PPFIA2: variants seen among roughly 807,000 people sequenced by gnomAD.
PPFIA2 encodes liprin-alpha-2.
Under a neutral mutation model 175.5 loss-of-function variants are expected in PPFIA2, and 46 were observed. The observed-to-expected ratio is 0.26, with a 90% confidence interval of 0.21 to 0.34. PPFIA2 has a LOEUF of 0.34. Among genes scored for constraint, PPFIA2 ranks in the 10% least tolerant of loss-of-function variants. PPFIA2 has a pLI of 1.00. For synonymous variants in PPFIA2, 568 were observed against 511.4 expected (o/e 1.11, Z -1.49); for missense variants, 1,179 against 1,506.1 (o/e 0.78, Z 3.60).
intron 29 of PPFIA2, among the ~76,000 whole-genome samples, chr12:81,267,648 A>T (rs1247080253): frequency 6.6e-6 from 1 of 151,632 alleles, no homozygotes; most frequent in Non-Finnish European, 1.5e-5. Context: ...TCTGTCAGGG[A>T]TTTCATTTAG....
Position 81,482,878 on chromosome 12 carries a change from T to TTATA in PPFIA2, c.304-25016_304-25013dup, listed in dbSNP as rs138791153. Among the ~76,000 whole-genome samples the TTATA allele has an allele frequency of 4.5e-4, 67 of 150,350 alleles. No homozygotes were observed. The South Asian group carries it at 0.01, about 23-fold the overall frequency. On this transcript the variant is annotated intron_variant, in intron 4 of 32. Coordinates refer to ENST00000549396, the MANE Select transcript of PPFIA2 (RefSeq NM_003625.5). ...AGGTTCTGCACATGTATCCCAGAAC[T>TTATA]TATATATATATATATACTGTGCTGG... is the stretch of plus-strand genomic sequence containing the variant.
chr12:81,745,855 T>C (rs1054790244), intron 3 of PPFIA2, among the ~76,000 whole-genome samples: 4 of 152,180 alleles, frequency 2.6e-5, no homozygotes, highest in Non-Finnish European at 4.4e-5. Flanking sequence ...TCTCTGAATG[T>C]TTTTCCCGAA....
chr12:81,604,019 T>C (rs991791375), intron 4 of PPFIA2, among the ~76,000 whole-genome samples: 1 of 151,690 alleles, frequency 6.6e-6, no homozygotes, highest in Non-Finnish European at 1.5e-5. Context: ...ATCAGTGCTT[T>C]AGGAACTTTA....
At chr12:81,536,929 T>G (rs1180911688) in intron 4 of PPFIA2, among the ~76,000 whole-genome samples, 1 of 150,556 alleles carries the variant, frequency 6.6e-6, no homozygotes, top group Non-Finnish European at 1.5e-5. Flanking sequence ...GATGGGAAAG[T>G]AAACATTTTT....
At chr12:81,292,067 A>G (rs1038812550) in intron 24 of PPFIA2, among the ~76,000 whole-genome samples, 2 of 152,088 alleles carry the variant, frequency 1.3e-5, no homozygotes, top group Non-Finnish European at 2.9e-5. Flanking sequence ...AAAATTCCCT[A>G]TTGTTCATTA....
intron 8 of PPFIA2, among the ~76,000 whole-genome samples, chr12:81,391,572 T>A (rs1301853561): frequency 1.3e-5 from 2 of 151,962 alleles, no homozygotes; most frequent in African/African-American, 2.4e-5. Flanking sequence ...GTAATTCAGA[T>A]AAAGCCATTC....
chr12:81,291,995 A>C (rs924259884), intron 24 of PPFIA2, among the ~76,000 whole-genome samples: 5 of 152,140 alleles, frequency 3.3e-5, no homozygotes, highest in African/African-American at 1.2e-4. Context: ...ATTGAATGTT[A>C]ATTAATATGG....
chr12:81,705,205 T>C (rs2076974650), intron 3 of PPFIA2, among the ~76,000 whole-genome samples: 1 of 148,936 alleles, frequency 6.7e-6, no homozygotes. Flanking sequence ...ATCCCAGCAG[T>C]TTGGGAGGCC....
At chr12:81,661,442 GAGACAA>G (rs904644224) in intron 4 of PPFIA2, among the ~76,000 whole-genome samples, 7 of 152,060 alleles carry the variant, frequency 4.6e-5, no homozygotes, top group Admixed American at 4.6e-4. Flanking sequence ...AAGATCAAAA[GAGACAA>G]AGAAGGCCAT....
rs959910819 is a variant in PPFIA2 at position 81,342,181 on chromosome 12, T to C, written c.2263-973A>G. 6.2e-4 allele frequency among the ~76,000 whole-genome samples: 95 copies of C among 152,180 alleles called. 2 individuals carry two copies. Among genetic ancestry groups the C allele is most frequent in the Admixed American group, 9.2e-4 (14 of 15,248 alleles). On this transcript the variant is annotated intron_variant, in intron 19 of 32. Transcript: ENST00000549396. Reference sequence around the variant, plus strand: ...AGGATACTATCCATTTTGTCAGAGATGAAGATATAGAGCTGTAACTTAAAA... The same window carrying C: ...AGGATACTATCCATTTTGTCAGAGACGAAGATATAGAGCTGTAACTTAAAA...
chr12:81,662,760 T>G (rs1426146889), intron 4 of PPFIA2, among the ~76,000 whole-genome samples: 2 of 152,156 alleles, frequency 1.3e-5, no homozygotes, highest in African/African-American at 4.8e-5. Flanking sequence ...AAAAGAGAAT[T>G]TTCAACCAAT....
chr12:81,692,103 A>AACACACAC (rs2075313752), intron 3 of PPFIA2, among the ~76,000 whole-genome samples: 1 of 54,438 alleles, frequency 1.8e-5, no homozygotes, highest in Non-Finnish European at 3.5e-5. Flanking sequence ...CACATACACA[A>AACACACAC]ACACAGACAC....
intron 21 of PPFIA2, among the ~76,000 whole-genome samples, chr12:81,335,378 G>A (rs966189702): frequency 2.6e-5 from 4 of 152,020 alleles, no homozygotes; most frequent in African/African-American, 9.7e-5. Flanking sequence ...AGTACATATC[G>A]GTCCTGTTGT....
At chr12:81,394,537 A>T (rs1307537389) in intron 8 of PPFIA2, among the ~76,000 whole-genome samples, 1 of 152,074 alleles carries the variant, frequency 6.6e-6, no homozygotes, top group Non-Finnish European at 1.5e-5. Context: ...CATCATTCTC[A>T]GCAAACTAAC....
At chr12:81,639,878 T>C (rs181333662) in intron 4 of PPFIA2, among the ~76,000 whole-genome samples, 2 of 152,188 alleles carry the variant, frequency 1.3e-5, no homozygotes, top group African/African-American at 4.8e-5. Context: ...CAGGAAAGAA[T>C]CTCCATTTAA....
rs368252559 is a variant in PPFIA2 at position 81,438,012 on chromosome 12, A to T, written c.645+1960T>A. On this transcript the variant is annotated intron_variant, in intron 7 of 32. Coordinates refer to ENST00000549396, the MANE Select transcript of PPFIA2 (RefSeq NM_003625.5). The stretch of plus-strand genomic sequence containing the variant: ...AAAAAGTTTTCTTTCCTTTTTAAAG[A>T]TGGCTATTTCATCATTTATGGTTTT... 2.6e-5 allele frequency among the ~76,000 whole-genome samples: 4 copies of T among 151,394 alleles called. No individual in the cohort carries two copies. The East Asian group carries it at 5.8e-4, about 22-fold the overall frequency.
At chr12:81,681,047 T>C (rs542436553) in intron 3 of PPFIA2, among the ~76,000 whole-genome samples, 3 of 151,968 alleles carry the variant, frequency 2.0e-5, no homozygotes, top group Non-Finnish European at 2.9e-5. Context: ...ATGCTGACTG[T>C]GTAAGTAACA....
chr12:81,632,458 T>C (rs2063499582), intron 4 of PPFIA2, among the ~76,000 whole-genome samples: 1 of 152,088 alleles, frequency 6.6e-6, no homozygotes, highest in African/African-American at 2.4e-5. Flanking sequence ...ATCTCTTATC[T>C]AGAAATTTTC....
chr12:81,356,773 G>T (rs950397003), intron 16 of PPFIA2, among the ~76,000 whole-genome samples: 1 of 152,144 alleles, frequency 6.6e-6, no homozygotes, highest in South Asian at 2.1e-4. Context: ...TTGAGGCAAG[G>T]TTATCAGGAA....
Sources: allele counts gnomAD v4.1 joint callset (sites outside exome capture counted in the v4.1 genomes callset), GRCh38; gene constraint gnomAD v4.1.1; transcripts MANE v1.5; gene names NCBI Gene and HGNC (gene_info 2026-07-23, HGNC 2026-07-21).